BCAS3: variants seen among roughly 807,000 people sequenced by gnomAD.
BCAS3 encodes BCAS3 microtubule associated cell migration factor.
In BCAS3, 53 loss-of-function variants were observed where a neutral mutation model predicts 116.1. The ratio of observed to expected loss-of-function variants is 0.46; its 90% CI spans 0.37 to 0.57. The LOEUF (loss-of-function observed/expected upper bound fraction) is 0.57. Among genes scored for constraint, BCAS3 ranks in the 20% least tolerant of loss-of-function variants. BCAS3 has a pLI of 0.00. For missense variants in BCAS3, 917 were observed against 1,165.4 expected (o/e 0.79, Z 3.10); for synonymous variants, 391 against 408.2 (o/e 0.96, Z 0.51).
At chr17:60,987,781 G>A (rs2063240487) in intron 14 of BCAS3, among the ~76,000 whole-genome samples, 1 of 152,014 alleles carries the variant, frequency 6.6e-6, no homozygotes, top group Non-Finnish European at 1.5e-5. Flanking sequence ...TGCAAACGAG[G>A]CTCATTTGAC....
chr17:61,127,880 T>C (rs915599578), intron 22 of BCAS3, among the ~76,000 whole-genome samples: 2 of 151,746 alleles, frequency 1.3e-5, no homozygotes, highest in Admixed American at 6.6e-5. Flanking sequence ...CACGAATGCA[T>C]ACATACTGCT....
At chr17:60,902,593 C>G in intron 10 of BCAS3, 27 bp from the exon 11 acceptor site, 6 of 1,547,794 alleles carry the variant, frequency 3.9e-6, no homozygotes, top group Non-Finnish European at 2.7e-6. Flanking sequence ...AAATGACGTT[C>G]TGCTTCTCTC....
chr17:60,746,575 A>T (rs571431974), intron 5 of BCAS3, among the ~76,000 whole-genome samples: 223 of 152,258 alleles, frequency 1.5e-3, no homozygotes, highest in African/African-American at 5.0e-3. Context: ...GATGACTTTT[A>T]AAAGTTGTAT....
At position 61,171,798 on chromosome 17, in the gene BCAS3, A is replaced by AT. The variant is rs777029615; in HGVS notation, c.2425+87249dup. ...ACCATGCCCTGCTAATTAAAAAAAA[A>AT]TTTTTTTTTTTTTTTGTAGAAATGG... is the stretch of plus-strand genomic sequence containing the variant. On this transcript the variant is annotated intron_variant, in intron 22 of 23. Coordinates refer to ENST00000407086, the MANE Select transcript of BCAS3 (RefSeq NM_017679.5). This position sits in a 1 kb window ranked among gnomAD's most constrained non-coding sequence, Gnocchi z 4.1. Among the ~76,000 whole-genome samples, 2,841 of 142,480 alleles carry AT rather than the reference A, an allele frequency of 0.02. 68 individuals carry two copies. The highest frequency in any genetic ancestry group is 0.063 in the African/African-American group (2,453 of 38,932). The allele number at this position is 142,480 out of a possible 152,430, so 93.5% of individuals were successfully genotyped here. A position where few individuals can be genotyped will look rare whatever the true frequency, so the allele number is the denominator to read the frequency against.
chr17:61,294,580 C>G (rs991218634), intron 22 of BCAS3, among the ~76,000 whole-genome samples: 6 of 152,184 alleles, frequency 3.9e-5, no homozygotes, highest in African/African-American at 1.4e-4. Context: ...GGTGGGCAAA[C>G]TGGCCTTGAA....
chr17:60,892,862 C>T (rs1430002609), intron 10 of BCAS3, among the ~76,000 whole-genome samples: 2 of 151,818 alleles, frequency 1.3e-5, no homozygotes, highest in Admixed American at 6.6e-5. Context: ...GTGGAGGTTG[C>T]GGTGAGCCGA....
chr17:61,079,369 A>G (rs1230007612), intron 21 of BCAS3, among the ~76,000 whole-genome samples: 1 of 152,218 alleles, frequency 6.6e-6, no homozygotes, highest in Non-Finnish European at 1.5e-5. Context: ...GTCAGTAACA[A>G]TAAAAAATTT....
At chr17:60,727,261 AGG>A in intron 5 of BCAS3, 1 of 1,044,838 alleles carries the variant, frequency 9.6e-7, no homozygotes, top group Admixed American at 1.7e-5. Flanking sequence ...ATCTGCAGTT[AGG>A]CTCAACACAT....
intron 22 of BCAS3, among the ~76,000 whole-genome samples, chr17:61,299,112 C>T (rs150965658): frequency 4.0e-5 from 6 of 151,720 alleles, no homozygotes; most frequent in East Asian, 4.0e-4. Flanking sequence ...CATGAGCCAC[C>T]GTGCCTGGCC....
Position 61,392,026 on chromosome 17 carries a change from C to T in BCAS3, c.2643C>T (p.Ser881=), listed in dbSNP as rs2060161240. 4 of 1,613,892 alleles carry T rather than the reference C, an allele frequency of 2.5e-6. No homozygotes were observed. In the East Asian group the frequency reaches 8.9e-5, roughly 36 times the overall value. The change falls in exon 24 of 24, where the codon TCC becomes TCT. Residue 881 remains serine (S), a synonymous_variant. Coordinates refer to ENST00000407086, the MANE Select transcript of BCAS3 (RefSeq NM_017679.5). This position sits in a 1 kb window ranked among gnomAD's most constrained non-coding sequence, Gnocchi z 6.4. ...AGACTCTGAGTAACAGCTCAGGCTC[C>T]ACCAGCGGCAGCATACCAAGAAACT... ...SIETLSNSSG[S]TSGSIPRNFD...
intron 14 of BCAS3, among the ~76,000 whole-genome samples, chr17:60,985,582 T>C (rs2063090390): frequency 6.6e-6 from 1 of 152,220 alleles, no homozygotes; most frequent in South Asian, 2.1e-4. Context: ...TTGACTACAG[T>C]CACCCTGTTG....
chr17:60,693,709 G>C (rs1421732829), intron 4 of BCAS3, among the ~76,000 whole-genome samples: 2 of 151,346 alleles, frequency 1.3e-5, no homozygotes, highest in East Asian at 3.9e-4. Context: ...TACTATGCCC[G>C]GCATGGCCAG....
At position 61,019,839 on chromosome 17, in the gene BCAS3, T is replaced by G. The variant is rs1229632087; in HGVS notation, c.1637+3938T>G. On this transcript the variant is annotated intron_variant, in intron 16 of 23. Coordinates refer to ENST00000407086, the MANE Select transcript of BCAS3 (RefSeq NM_017679.5). This position sits in a 1 kb window ranked among gnomAD's most constrained non-coding sequence, Gnocchi z 5.6. ...AGCACATGAGAGTTTTCATTTTCCATGTCTCTTTTTATTCTGGAAATTCTC... is the reference window on the plus strand; with the variant it reads ...AGCACATGAGAGTTTTCATTTTCCAGGTCTCTTTTTATTCTGGAAATTCTC... Among the ~76,000 whole-genome samples the G allele has an allele frequency of 6.6e-6, 1 of 152,246 alleles. No homozygotes were observed. Among genetic ancestry groups the G allele is most frequent in the Non-Finnish European group, 1.5e-5 (1 of 68,044 alleles).
chr17:61,005,819 T>C (rs2064649100), intron 15 of BCAS3, among the ~76,000 whole-genome samples: 1 of 151,778 alleles, frequency 6.6e-6, no homozygotes, highest in Non-Finnish European at 1.5e-5. Flanking sequence ...TATTATACTT[T>C]AAGTTTTAGG....
rs373693254 is a variant in BCAS3, at chr17:61,388,721, G to A, written c.2594-3256G>A. On this transcript the variant is annotated intron_variant, in intron 23 of 23. Transcript: ENST00000407086. The surrounding 1 kb of genome is among the most constrained non-coding windows in gnomAD (Gnocchi z 6.5). The stretch of plus-strand genomic sequence containing the variant: ...GGGATGGAGGAAGGTAAGGCCACAC[G>A]TTTCCATTTGCCGCTTGCTCGTAGG... 177 of 1,542,452 alleles carry A rather than the reference G, an allele frequency of 1.1e-4. No homozygotes were observed. Among genetic ancestry groups the A allele is most frequent in the Middle Eastern group, 8.3e-4 (5 of 5,990 alleles).
intron 19 of BCAS3, among the ~76,000 whole-genome samples, chr17:61,044,465 A>AAAAAAAAAAAAATATAT: frequency 1.5e-4 from 18 of 120,116 alleles, no homozygotes; most frequent in African/African-American, 9.0e-4. Flanking sequence ...AAAAAAAAAA[A>AAAAAAAAAAAAATATAT]ATATATATAT....
intron 22 of BCAS3, among the ~76,000 whole-genome samples, chr17:61,320,042 G>T (rs1051325402): frequency 2.0e-5 from 3 of 151,146 alleles, no homozygotes; most frequent in East Asian, 2.0e-4. Context: ...GGCTCGTGCC[G>T]CCACACCCAG....
rs1262202869 is a variant in BCAS3 at position 61,004,730 on chromosome 17, A to T, written c.1487-11021A>T. Among the ~76,000 whole-genome samples, 1 of 152,164 alleles carries T rather than the reference A, an allele frequency of 6.6e-6. No individual in the cohort carries two copies. The highest frequency in any genetic ancestry group is 1.5e-5 in the Non-Finnish European group (1 of 68,012). ...AAGGTTCATTGAAAGAGTTATTAACATTGGATGATGTGTTTTTGCAGGTGA... is the reference window on the plus strand; with the variant it reads ...AAGGTTCATTGAAAGAGTTATTAACTTTGGATGATGTGTTTTTGCAGGTGA... On this transcript the variant is annotated intron_variant, in intron 15 of 23. Coordinates refer to ENST00000407086, the MANE Select transcript of BCAS3 (RefSeq NM_017679.5). The surrounding 1 kb of genome is among the most constrained non-coding windows in gnomAD (Gnocchi z 4.8).
At chr17:61,246,579 G>A (rs2047976540) in intron 22 of BCAS3, among the ~76,000 whole-genome samples, 1 of 151,300 alleles carries the variant, frequency 6.6e-6, no homozygotes, top group Non-Finnish European at 1.5e-5. Flanking sequence ...GAGCCTTGGT[G>A]TTAGGTGTAG....
Sources: allele counts gnomAD v4.1 joint callset (sites outside exome capture counted in the v4.1 genomes callset), GRCh38; gene constraint gnomAD v4.1.1; non-coding constraint Gnocchi (gnomAD v3.1); transcripts MANE v1.5; gene names NCBI Gene and HGNC (gene_info 2026-07-23, HGNC 2026-07-21).